Variants in MDGA1 observed in about 807,000 individuals in gnomAD.
MDGA1 encodes MAM domain containing glycosylphosphatidylinositol anchor 1, also known as MAM domain-containing glycosylphosphatidylinositol anchor protein 1.
In MDGA1, 54 loss-of-function variants were observed where a neutral mutation model predicts 101.5. The observed-to-expected ratio is 0.53, with a 90% CI of 0.43 to 0.67. The LOEUF (loss-of-function observed/expected upper bound fraction) is 0.67, where lower values mean the gene tolerates loss of function less well. MDGA1 is among the 30% of genes least tolerant of loss of function. The pLI is 0.00. For synonymous variants in MDGA1, 533 were observed against 558.3 expected, an observed-to-expected ratio of 0.95 and a Z score of 0.64; for missense variants, 1,083 against 1,323.8, an observed-to-expected ratio of 0.82 and a Z score of 2.82.
At chr6:37,679,252 C>T (rs1369889702) in intron 1 of MDGA1, among the ~76,000 whole-genome samples, 1 of 152,042 alleles carries the variant, frequency 6.6e-6, no homozygotes, top group African/African-American at 2.4e-5. Context: ...AAAAGAAGGA[C>T]TCAGGGATGG....
chr6:37,654,770 G>T (rs1325374201), intron 5 of MDGA1, 30 bp downstream of exon 5: 2 of 1,612,996 alleles, frequency 1.2e-6, no homozygotes, highest in South Asian at 1.1e-5. Context: ...CTCAGGTAGG[G>T]AAGGAGTATG....
chr6:37,694,074 T>C (rs1369655173), intron 1 of MDGA1, among the ~76,000 whole-genome samples: 2 of 152,120 alleles, frequency 1.3e-5, no homozygotes, highest in African/African-American at 4.8e-5. Context: ...CTCCCCTCTG[T>C]TCAGCCCCTC....
At position 37,696,053 on chromosome 6, in the gene MDGA1, G is replaced by C. The variant is rs1036274005; in HGVS notation, c.67+692C>G. Among the ~76,000 whole-genome samples, 1 of 152,182 alleles carries C rather than the reference G, an allele frequency of 6.6e-6. No homozygotes were observed. The highest frequency in any genetic ancestry group is 2.4e-5 in the African/African-American group (1 of 41,450). On this transcript the variant is annotated intron_variant, in intron 1 of 16. Coordinates refer to ENST00000434837, the MANE Select transcript of MDGA1 (RefSeq NM_153487.4). This position sits in a 1 kb window ranked among gnomAD's most constrained non-coding sequence, Gnocchi z 5.6. ...AGAGTTTGGACACGTATCCCGGTGG[G>C]TGCGTGCCGTGTTTGCGTTTTCTGG...
At chr6:37,657,177 G>T (rs2114035975) in intron 3 of MDGA1, among the ~76,000 whole-genome samples, 1 of 152,104 alleles carries the variant, frequency 6.6e-6, no homozygotes, top group South Asian at 2.1e-4. Flanking sequence ...TAATTAAAAA[G>T]CTTAAGAAAG....
At chr6:37,667,901 G>C (rs1761788139) in intron 1 of MDGA1, among the ~76,000 whole-genome samples, 2 of 152,208 alleles carry the variant, frequency 1.3e-5, no homozygotes, top group Admixed American at 1.3e-4. Context: ...CCTGACAGGT[G>C]TATTTCCCCA....
chr6:37,684,936 C>A (rs539016963), intron 1 of MDGA1, among the ~76,000 whole-genome samples: 2 of 152,278 alleles, frequency 1.3e-5, no homozygotes, highest in South Asian at 2.1e-4. Flanking sequence ...AAATTCAATT[C>A]ATTTCCCCAT....
chr6:37,676,626 T>C (rs1205896880), intron 1 of MDGA1, among the ~76,000 whole-genome samples: 1 of 149,594 alleles, frequency 6.7e-6, no homozygotes, highest in Non-Finnish European at 1.5e-5. Flanking sequence ...TGGCCCAGCA[T>C]GATGGCTCAT....
chr6:37,669,735 C>T (rs1014438890), intron 1 of MDGA1, among the ~76,000 whole-genome samples: 1 of 152,196 alleles, frequency 6.6e-6, no homozygotes, highest in African/African-American at 2.4e-5. Context: ...CCAGGCAGGG[C>T]TGTTTCAAGA....
Position 37,664,054 on chromosome 6 carries a change from C to G in MDGA1, c.120G>C (p.Glu40Asp). The G allele has an allele frequency of 1.2e-6, 2 of 1,613,910 alleles. No homozygotes were observed. The highest frequency in any genetic ancestry group is 1.7e-6 in the Non-Finnish European group (2 of 1,179,872). Residue 40 changes from glutamate (E) to aspartate (D), a missense_variant, in exon 2 of 17, where the codon GAG (glutamate) becomes GAC (aspartate). By Grantham distance (45) the Glu-to-Asp change is conservative. Transcript: ENST00000434837. ...VHAGQACVVK[E>D]DNISERVYTI... is the part of the protein sequence containing the mutation. ...TGTAGACACGCTCGCTGATATTGTCCTCTTTCACCACACATGCCTGGCCCG... is the reference window on the plus strand; with the variant it reads ...TGTAGACACGCTCGCTGATATTGTCGTCTTTCACCACACATGCCTGGCCCG...
chr6:37,694,429 T>G (rs1002697327), intron 1 of MDGA1, among the ~76,000 whole-genome samples: 1 of 152,236 alleles, frequency 6.6e-6, no homozygotes, highest in Non-Finnish European at 1.5e-5. Context: ...CCATGCTGGA[T>G]GCTGGATGCA....
intron 1 of MDGA1, among the ~76,000 whole-genome samples, chr6:37,690,735 C>T (rs1395230315): frequency 6.7e-6 from 1 of 149,642 alleles, no homozygotes; most frequent in Non-Finnish European, 1.5e-5. Context: ...CAAGATTGTG[C>T]CACTGCACTC....
Position 37,650,424 on chromosome 6 carries a change from T to A in MDGA1, c.1313-19A>T, listed in dbSNP as rs552922186. 431 of 1,514,584 alleles carry A rather than the reference T, an allele frequency of 2.8e-4. 5 individuals carry two copies. In the South Asian group the frequency reaches 5.1e-3, roughly 18 times the overall value. 93.8% of individuals were successfully genotyped at this position (1,514,584 alleles called of 1,614,324 possible). A position where few individuals can be genotyped will look rare whatever the true frequency, so the allele number is the denominator to read the frequency against. On this transcript the variant is annotated intron_variant, in intron 7 of 16. Coordinates refer to ENST00000434837, the MANE Select transcript of MDGA1 (RefSeq NM_153487.4). ...GGCGGCACTGTGGGGGTGATGGTGA[T>A]CAGCGGAGAGGTAGGAGCGGAGTTA...
At chr6:37,685,742 G>A (rs938076208) in intron 1 of MDGA1, among the ~76,000 whole-genome samples, 2 of 152,166 alleles carry the variant, frequency 1.3e-5, no homozygotes, top group Admixed American at 6.5e-5. Context: ...CGGGAAGCTG[G>A]TGGGACTGTC....
intron 14 of MDGA1, among the ~76,000 whole-genome samples, chr6:37,640,865 G>A (rs905753626): frequency 3.9e-5 from 6 of 152,150 alleles, no homozygotes; most frequent in African/African-American, 1.4e-4. Flanking sequence ...AGAGAGAGCC[G>A]TTCCTTTGGG....
intron 1 of MDGA1, among the ~76,000 whole-genome samples, chr6:37,687,658 G>A (rs1161832732): frequency 6.6e-6 from 1 of 151,966 alleles, no homozygotes; most frequent in Non-Finnish European, 1.5e-5. Context: ...TTGTAATAGA[G>A]ACAGAGTCTC....
rs1252475567 is a variant in MDGA1, at chr6:37,696,896, C to T, written c.-85G>A. ...CATTCGCCGGGGCCCCGCGACGCCC[C>T]TATGTCCCCCCCTTTCCCTGAGAGG... is the stretch of plus-strand genomic sequence containing the variant. On this transcript the variant is annotated 5_prime_UTR_variant, in exon 1 of 17. Coordinates refer to ENST00000434837, the MANE Select transcript of MDGA1 (RefSeq NM_153487.4). This position sits in a 1 kb window ranked among gnomAD's most constrained non-coding sequence, Gnocchi z 5.6. The T allele has an allele frequency of 4.6e-6, 5 of 1,086,672 alleles. No homozygotes were observed. The highest frequency in any genetic ancestry group is 4.0e-5 in the South Asian group (3 of 74,570). 67.3% of individuals were successfully genotyped at this position (1,086,672 alleles called of 1,614,324 possible).
At chr6:37,672,237 G>T (rs988485825) in intron 1 of MDGA1, among the ~76,000 whole-genome samples, 1 of 151,972 alleles carries the variant, frequency 6.6e-6, no homozygotes, top group South Asian at 2.1e-4. Context: ...AATTGCCTGA[G>T]GCTAGGGGTT....
At chr6:37,687,788 C>T (rs2114104551) in intron 1 of MDGA1, among the ~76,000 whole-genome samples, 1 of 152,096 alleles carries the variant, frequency 6.6e-6, no homozygotes, top group Non-Finnish European at 1.5e-5. Context: ...TATTCTTAAC[C>T]AAACAGGAAA....
chr6:37,680,496 G>A (rs1039549665), intron 1 of MDGA1, among the ~76,000 whole-genome samples: 3 of 152,226 alleles, frequency 2.0e-5, no homozygotes, highest in East Asian at 1.9e-4. Context: ...ACATGAAGAC[G>A]ACCGGACCCT....
Sources: allele counts gnomAD v4.1 joint callset (sites outside exome capture counted in the v4.1 genomes callset), GRCh38; gene constraint gnomAD v4.1.1; non-coding constraint Gnocchi (gnomAD v3.1); transcripts MANE v1.5; gene names NCBI Gene and HGNC (gene_info 2026-07-23, HGNC 2026-07-21).